The following CMIP variants were observed in gnomAD, a reference collection of about 807,000 sequenced individuals.
CMIP encodes the protein C-Maf-inducing protein.
CMIP carries 13 observed loss-of-function variants against 97.3 expected under a neutral mutation model. That is an observed-to-expected ratio of 0.13 (90% CI 0.09 to 0.21). CMIP has a LOEUF of 0.21. Ranked by LOEUF, CMIP falls within the 10% of genes least tolerant of loss-of-function variation. The pLI, the probability that CMIP is intolerant of heterozygous loss-of-function variation, is 1.00. For missense variants in CMIP, 847 were observed against 1,024.9 expected (o/e 0.83, Z 2.37); for synonymous variants, 538 against 436.3 (o/e 1.23, Z -2.91).
chr16:81,665,177 T>C (rs2092589982), intron 7 of CMIP: 2 of 152,052 alleles, frequency 1.3e-5, no homozygotes, highest in African/African-American at 4.8e-5. Context: ...CAGGATTTAA[T>C]TGCACACTTA....
At chr16:81,691,216 G>C (rs1200315005) in intron 10 of CMIP, among the ~76,000 whole-genome samples, 2 of 152,162 alleles carry the variant, frequency 1.3e-5, no homozygotes, top group African/African-American at 4.8e-5. Flanking sequence ...CAAGGTGTGG[G>C]CAGGGCTGGT....
chr16:81,702,998 A>G (rs1381837922), intron 17 of CMIP, among the ~76,000 whole-genome samples: 1 of 152,174 alleles, frequency 6.6e-6, no homozygotes, highest in Non-Finnish European at 1.5e-5. Flanking sequence ...TTATCCTCAC[A>G]GCAACCCTTG....
intron 1 of CMIP, among the ~76,000 whole-genome samples, chr16:81,448,629 G>T (rs1906014968): frequency 6.6e-6 from 1 of 152,256 alleles, no homozygotes; most frequent in Non-Finnish European, 1.5e-5. Flanking sequence ...GCCAGTTACT[G>T]ATTAAATCCT....
At chr16:81,492,950 A>G (rs1347676507) in intron 1 of CMIP, among the ~76,000 whole-genome samples, 1 of 152,144 alleles carries the variant, frequency 6.6e-6, no homozygotes, top group Non-Finnish European at 1.5e-5. Context: ...AGGGCCCGTG[A>G]GCGAGAAGAT....
intron 1 of CMIP, among the ~76,000 whole-genome samples, chr16:81,563,412 G>C (rs1199018296): frequency 6.6e-6 from 1 of 152,202 alleles, no homozygotes; most frequent in African/African-American, 2.4e-5. Flanking sequence ...TGGTAAAATG[G>C]GAATGATGAT....
chr16:81,633,750 GC>G (rs1245889909), intron 3 of CMIP, among the ~76,000 whole-genome samples: 1 of 152,228 alleles, frequency 6.6e-6, no homozygotes, highest in Non-Finnish European at 1.5e-5. Context: ...TTTGTTTCCA[GC>G]GGGGGCTGGC....
At position 81,453,002 on chromosome 16, in the gene CMIP, C is replaced by T. The variant is rs1220824681; in HGVS notation, c.300+7461C>T. On this transcript the variant is annotated intron_variant, in intron 1 of 20. Transcript: ENST00000537098. The surrounding 1 kb of genome is among the most constrained non-coding windows in gnomAD (Gnocchi z 4.0). ...ACAAAGCCCAGCAGAACTTTGAAAA[C>T]GCAACTCCCTTTGTCCATAACTACA... is the stretch of plus-strand genomic sequence containing the variant. Among the ~76,000 whole-genome samples the T allele has an allele frequency of 1.4e-5, 2 of 146,146 alleles. No homozygotes were observed. Among genetic ancestry groups the T allele is most frequent in the East Asian group, 2.1e-4 (1 of 4,710 alleles).
At chr16:81,580,387 C>G (rs2091275941) in intron 1 of CMIP, among the ~76,000 whole-genome samples, 1 of 151,878 alleles carries the variant, frequency 6.6e-6, no homozygotes, top group South Asian at 2.1e-4. Context: ...ATGAAATTGC[C>G]CACTTAATTT....
intron 1 of CMIP, among the ~76,000 whole-genome samples, chr16:81,512,819 C>T (rs1214352428): frequency 6.6e-6 from 1 of 152,110 alleles, no homozygotes; most frequent in Non-Finnish European, 1.5e-5. Flanking sequence ...TCACTGCAAC[C>T]TCTGCTTCCT....
At chr16:81,641,347 G>A (rs773009110) in intron 3 of CMIP, among the ~76,000 whole-genome samples, 11 of 151,386 alleles carry the variant, frequency 7.3e-5, no homozygotes, top group South Asian at 2.1e-4. Flanking sequence ...CCAACACATC[G>A]GAGGAACAGA....
At chr16:81,634,301 G>T (rs2092206010) in intron 3 of CMIP, among the ~76,000 whole-genome samples, 1 of 152,188 alleles carries the variant, frequency 6.6e-6, no homozygotes, top group Admixed American at 6.5e-5. Context: ...CAGTGTCCCT[G>T]GGTTTTATAT....
intron 3 of CMIP, among the ~76,000 whole-genome samples, chr16:81,640,590 A>G (rs2092292719): frequency 6.6e-6 from 1 of 152,094 alleles, no homozygotes; most frequent in African/African-American, 2.4e-5. Flanking sequence ...AGATGTCCAA[A>G]ATCAAGGTGT....
intron 1 of CMIP, among the ~76,000 whole-genome samples, chr16:81,557,488 ATAATT>A (rs758354327): frequency 2.0e-5 from 3 of 152,250 alleles, no homozygotes; most frequent in African/African-American, 4.8e-5. Flanking sequence ...GTATAATGTG[ATAATT>A]TAATATATGT....
At chr16:81,473,428 T>G (rs2927335) in intron 1 of CMIP, among the ~76,000 whole-genome samples, 2 of 151,754 alleles carry the variant, frequency 1.3e-5, no homozygotes, top group East Asian at 3.9e-4. Flanking sequence ...CAGTGGTGCG[T>G]TTTTGAATTT....
intron 1 of CMIP, among the ~76,000 whole-genome samples, chr16:81,598,230 T>C (rs2091596089): frequency 6.6e-6 from 1 of 151,614 alleles, no homozygotes; most frequent in Non-Finnish European, 1.5e-5. Flanking sequence ...ACAACAGAGC[T>C]GACCAACGGG....
intron 3 of CMIP, among the ~76,000 whole-genome samples, chr16:81,650,790 G>A (rs765278887): frequency 3.3e-5 from 5 of 152,074 alleles, no homozygotes; most frequent in East Asian, 3.9e-4. Flanking sequence ...AAGAGGTGCC[G>A]GTATTTTCCA....
chr16:81,565,438 C>T (rs568522755), intron 1 of CMIP, among the ~76,000 whole-genome samples: 4 of 152,332 alleles, frequency 2.6e-5, no homozygotes, highest in Non-Finnish European at 5.9e-5. Flanking sequence ...CATCCTCCTG[C>T]TCCCCTCCTG....
chr16:81,670,914 C>G (rs575461645), intron 8 of CMIP, among the ~76,000 whole-genome samples: 1 of 152,050 alleles, frequency 6.6e-6, no homozygotes, highest in Non-Finnish European at 1.5e-5. Context: ...CTGCAACCTC[C>G]GGCTCCCGGG....
chr16:81,554,750 G>T (rs1002718855), intron 1 of CMIP, among the ~76,000 whole-genome samples: 2 of 152,142 alleles, frequency 1.3e-5, no homozygotes, highest in Middle Eastern at 3.2e-3. Flanking sequence ...TCAGTTCTTT[G>T]TCTGTAGAAT....
Sources: gnomAD v4.1 joint callset for allele counts (sites outside exome capture counted in the v4.1 genomes callset) on GRCh38, gnomAD v4.1.1 for gene constraint, Gnocchi (gnomAD v3.1) non-coding constraint, MANE v1.5 for transcripts, NCBI Gene and HGNC (gene_info 2026-07-23, HGNC 2026-07-21) for gene names.